Variants in GRID2 observed in about 807,000 individuals in gnomAD.
GRID2 encodes the protein glutamate receptor ionotropic, delta-2.
Under a neutral mutation model 114.8 loss-of-function variants are expected in GRID2, and 33 were observed. That is an observed-to-expected ratio of 0.29 (90% CI 0.22 to 0.38). The LOEUF (loss-of-function observed/expected upper bound fraction) is 0.38, where lower values mean the gene tolerates loss of function less well. Among genes scored for constraint, GRID2 ranks in the 10% least tolerant of loss-of-function variants. The probability of loss-of-function intolerance (pLI) is 1.00; values close to 1 mark genes in which losing one functional copy is unlikely to be tolerated. For missense variants in GRID2, 1,184 were observed against 1,257.7 expected, an observed-to-expected ratio of 0.94 and a Z score of 0.89; for synonymous variants, 505 against 449.9, an observed-to-expected ratio of 1.12 and a Z score of -1.55.
chr4:93,647,712 C>T (rs9993052), intron 14 of GRID2, among the ~76,000 whole-genome samples: 111,627 of 152,060 alleles, frequency 0.73, 41,634 homozygotes, highest in African/African-American at 0.87. Flanking sequence ...AGACTGTGTA[C>T]CTAATGGGAT....
At chr4:92,848,288 C>CT in intron 2 of GRID2, among the ~76,000 whole-genome samples, 1 of 151,116 alleles carries the variant, frequency 6.6e-6, no homozygotes, top group Non-Finnish European at 1.5e-5. Context: ...TTAGGCTTGA[C>CT]TTAATGTAGA....
chr4:93,128,460 A>C (rs1734502337), intron 4 of GRID2, among the ~76,000 whole-genome samples: 1 of 152,218 alleles, frequency 6.6e-6, no homozygotes, highest in Non-Finnish European at 1.5e-5. Context: ...CTCACAAGAT[A>C]GTATTTAATT....
chr4:92,985,486 C>T (rs1754461272), intron 2 of GRID2, among the ~76,000 whole-genome samples: 2 of 152,088 alleles, frequency 1.3e-5, no homozygotes, highest in Admixed American at 1.3e-4. Context: ...ATCTGCCCGC[C>T]TCAGCCTTCC....
chr4:93,599,660 T>C (rs1383109657), intron 13 of GRID2, among the ~76,000 whole-genome samples: 4 of 152,170 alleles, frequency 2.6e-5, no homozygotes, highest in Admixed American at 1.3e-4. Context: ...TAGTATCTTA[T>C]ACCAAACTAA....
rs1379456542 is a variant in GRID2, at chr4:93,256,424, TTTG to T, written c.1245+17935_1245+17937del. Among the ~76,000 whole-genome samples the T allele has an allele frequency of 1.2e-4, 9 of 77,048 alleles. No individual in the cohort carries two copies. In the East Asian group the frequency reaches 2.5e-3, roughly 21 times the overall value. The allele number at this position is 77,048 out of a possible 152,430, so 50.5% of individuals were successfully genotyped here. A position where few individuals can be genotyped will look rare whatever the true frequency, so the allele number is the denominator to read the frequency against. Reference sequence around the variant, plus strand: ...TTTAGCGAAAGTGTGATTTTTAATTTTTGGTTTTTTTTTTTGGTCACAATGTAG... The same window carrying T: ...TTTAGCGAAAGTGTGATTTTTAATTTGTTTTTTTTTTTGGTCACAATGTAG... On this transcript the variant is annotated intron_variant, in intron 8 of 15. Transcript: ENST00000282020.
rs572487653 is a variant in GRID2 at position 92,863,385 on chromosome 4, G to A, written c.245-221610G>A. On this transcript the variant is annotated intron_variant, in intron 2 of 15. Coordinates refer to ENST00000282020, the MANE Select transcript of GRID2 (RefSeq NM_001510.4). The stretch of plus-strand genomic sequence containing the variant: ...GAAATAATCACTTATTCACACCACC[G>A]ACTCCTCCAGCAGCCTGTGAAAATA... Among the ~76,000 whole-genome samples, 10 of 152,020 alleles carry A rather than the reference G, an allele frequency of 6.6e-5. No homozygotes were observed. The South Asian group carries it at 1.7e-3, about 25-fold the overall frequency.
At chr4:93,675,828 C>A (rs1245303630) in intron 14 of GRID2, among the ~76,000 whole-genome samples, 3 of 152,110 alleles carry the variant, frequency 2.0e-5, no homozygotes, top group Admixed American at 2.0e-4. Context: ...GGTTAAATTG[C>A]AAAGTAAAAG....
chr4:93,727,467 C>A (rs1461876017), intron 14 of GRID2, among the ~76,000 whole-genome samples: 1 of 152,110 alleles, frequency 6.6e-6, no homozygotes, highest in African/African-American at 2.4e-5. Context: ...TGTGTCTCTG[C>A]CAGGCTTTGG....
In GRID2 at chr4:92,781,402, A is replaced by G. The variant is rs1482727357; in HGVS notation, c.244+191116A>G. Among the ~76,000 whole-genome samples the G allele has an allele frequency of 3.3e-5, 5 of 152,260 alleles. No individual in the cohort carries two copies. In the East Asian group the frequency reaches 9.7e-4, roughly 29 times the overall value. ...TTAATTGAAGTTTTCAAACTTACCT[A>G]TTTGGAATCAGTAACTAAGATAAGT... is the stretch of plus-strand genomic sequence containing the variant. On this transcript the variant is annotated intron_variant, in intron 2 of 15. Transcript: ENST00000282020.
At chr4:93,730,111 A>C (rs1730345503) in intron 14 of GRID2, among the ~76,000 whole-genome samples, 1 of 152,236 alleles carries the variant, frequency 6.6e-6, no homozygotes, top group Non-Finnish European at 1.5e-5. Flanking sequence ...TTAGTAGACC[A>C]CTGGAATTAT....
Position 92,575,556 on chromosome 4 carries a change from A to T in GRID2, c.89-14575A>T, listed in dbSNP as rs564940725. On this transcript the variant is annotated intron_variant, in intron 1 of 15. Coordinates refer to ENST00000282020, the MANE Select transcript of GRID2 (RefSeq NM_001510.4). ...TTTGTTTTAGCCTTGCTGCAGTTTG[A>T]TGGGGGTCAGCTATAGACCCTAGTC... Among the ~76,000 whole-genome samples, 83 of 152,018 alleles carry T rather than the reference A, an allele frequency of 5.5e-4. No individual in the cohort carries two copies. In the Middle Eastern group the frequency reaches 0.017, roughly 31 times the overall value.
chr4:93,580,479 T>C (rs1473768667), intron 13 of GRID2, among the ~76,000 whole-genome samples: 1 of 152,224 alleles, frequency 6.6e-6, no homozygotes, highest in Non-Finnish European at 1.5e-5. Context: ...GTATCCATAA[T>C]TGACTGCAGT....
chr4:92,633,147 C>T (rs1284751863), intron 2 of GRID2, among the ~76,000 whole-genome samples: 1 of 152,092 alleles, frequency 6.6e-6, no homozygotes, highest in Non-Finnish European at 1.5e-5. Context: ...TGGTGCATGA[C>T]ACACATTCTG....
At chr4:92,621,096 G>T (rs1387169915) in intron 2 of GRID2, among the ~76,000 whole-genome samples, 1 of 151,566 alleles carries the variant, frequency 6.6e-6, no homozygotes, top group Non-Finnish European at 1.5e-5. Flanking sequence ...AGATGCACAG[G>T]CTTGTTACAT....
chr4:92,558,528 T>A (rs192012677), intron 1 of GRID2, among the ~76,000 whole-genome samples: 60 of 152,284 alleles, frequency 3.9e-4, no homozygotes, highest in Admixed American at 8.5e-4. Context: ...TACCGTCCAT[T>A]CTTTAAAAAT....
intron 2 of GRID2, among the ~76,000 whole-genome samples, chr4:92,668,040 T>C (rs1732875304): frequency 6.6e-6 from 1 of 151,798 alleles, no homozygotes. Flanking sequence ...CCTTATCCTT[T>C]CCTGATCATT....
chr4:92,429,335 A>C (rs1041217382), intron 1 of GRID2, among the ~76,000 whole-genome samples: 2 of 152,206 alleles, frequency 1.3e-5, no homozygotes, highest in African/African-American at 4.8e-5. Context: ...CACATGAGTG[A>C]GAACATGTGA....
intron 2 of GRID2, among the ~76,000 whole-genome samples, chr4:92,690,344 T>A (rs1039289515): frequency 5.3e-5 from 8 of 152,130 alleles, no homozygotes; most frequent in African/African-American, 1.9e-4. Flanking sequence ...ATGGGAACAG[T>A]TGGTAAGTGG....
chr4:92,868,208 C>G (rs1745041430), intron 2 of GRID2, among the ~76,000 whole-genome samples: 1 of 151,960 alleles, frequency 6.6e-6, no homozygotes, highest in Non-Finnish European at 1.5e-5. Flanking sequence ...CCACAATGTG[C>G]TAGTTCTACT....
Sources: allele counts gnomAD v4.1 joint callset (sites outside exome capture counted in the v4.1 genomes callset), GRCh38; gene constraint gnomAD v4.1.1; transcripts MANE v1.5; gene names NCBI Gene and HGNC (gene_info 2026-07-23, HGNC 2026-07-21).